The following CD101 variants were observed in gnomAD, a reference collection of about 807,000 sequenced individuals.
CD101 encodes the protein CD101 molecule.
CD101 carries 76 observed loss-of-function variants against 98.2 expected under a neutral mutation model. That is an observed-to-expected ratio of 0.77 (90% CI 0.64 to 0.94). The LOEUF (loss-of-function observed/expected upper bound fraction) is 0.94, where lower values mean the gene tolerates loss of function less well. Among genes scored for constraint, CD101 ranks in the 40% least tolerant of loss-of-function variants. The probability of loss-of-function intolerance (pLI) is 0.00; values close to 1 mark genes in which losing one functional copy is unlikely to be tolerated. For missense variants in CD101, 1,145 were observed against 1,218.8 expected (o/e 0.94, Z 0.90); for synonymous variants, 471 against 472.7 (o/e 1.00, Z 0.05).
rs1264225092 is a variant in CD101, at chr1:117,017,428, G to T, written c.1567G>T (p.Asp523Tyr). The T allele has an allele frequency of 2.5e-6, 4 of 1,614,040 alleles. No individual in the cohort carries two copies. The African/African-American group carries it at 5.3e-5, about 22-fold the overall frequency. Residue 523 changes from aspartate (D) to tyrosine (Y), a missense_variant, in exon 5 of 10, where the codon GAT (aspartate) becomes TAT (tyrosine). By Grantham distance (160) the Asp-to-Tyr change is radical (BLOSUM62 -3). Coordinates refer to ENST00000682167, the MANE Select transcript of CD101 (RefSeq NM_001256106.3). ...TGAGAAGTCTCGGAACCAGGCCAGA[G>T]ATCTGAGCTGGACTCAGAAGATTTC... ...VSEKSRNQAR[D>Y]LSWTQKISVT...
intron 2 of CD101, among the ~76,000 whole-genome samples, chr1:117,011,272 T>C (rs1399872451): frequency 6.6e-6 from 1 of 152,204 alleles, no homozygotes; most frequent in Non-Finnish European, 1.5e-5. Context: ...ACATGCTTTG[T>C]GTCTGAGTAG....
At position 117,008,722 on chromosome 1, in the gene CD101, C is replaced by CT. The variant is rs200062795; in HGVS notation, c.44-1119dup. 6.2e-4 allele frequency among the ~76,000 whole-genome samples: 94 copies of CT among 151,768 alleles called. 2 individuals carry two copies. In the East Asian group the frequency reaches 0.015, roughly 25 times the overall value. Reference sequence around the variant, plus strand: ...GTAATGTCCTTTTTCCTTTCCCTCACTTTTTTTTTCCACTCTGGTCTCCTT... The same window carrying CT: ...GTAATGTCCTTTTTCCTTTCCCTCACTTTTTTTTTTCCACTCTGGTCTCCTT... On this transcript the variant is annotated intron_variant, in intron 1 of 9. Coordinates refer to ENST00000682167, the MANE Select transcript of CD101 (RefSeq NM_001256106.3).
At chr1:117,017,494 T>C (rs1653310541) in intron 5 of CD101, 21 bp downstream of exon 5, 2 of 1,587,496 alleles carry the variant, frequency 1.3e-6, no homozygotes, top group Non-Finnish European at 1.7e-6. Context: ...AAGGAAGTCC[T>C]TTTCTGCACC....
At chr1:117,015,485 G>T (rs1179252909) in intron 4 of CD101, among the ~76,000 whole-genome samples, 1 of 151,914 alleles carries the variant, frequency 6.6e-6, no homozygotes, top group East Asian at 1.9e-4. Context: ...AAGCAGATTT[G>T]CTCTTTTTAA....
In CD101 at chr1:117,017,413, C is replaced by G; in HGVS notation, c.1552C>G (p.Arg518Gly). ...TYECRVSEKS[R>G]NQARDLSWTQ... is the part of the protein sequence containing the mutation. ...TGAGTGCAGAGTATCTGAGAAGTCTCGGAACCAGGCCAGAGATCTGAGCTG... is the reference window on the plus strand; with the variant it reads ...TGAGTGCAGAGTATCTGAGAAGTCTGGGAACCAGGCCAGAGATCTGAGCTG... Residue 518 changes from arginine to glycine, a missense_variant, in exon 5 of 10, where the codon CGG becomes GGG. By Grantham distance (125) the Arg-to-Gly change is moderately radical (BLOSUM62 -2). Coordinates refer to ENST00000682167, the MANE Select transcript of CD101 (RefSeq NM_001256106.3). 1.2e-6 allele frequency: 2 copies of G among 1,614,180 alleles called. No homozygotes were observed. The highest frequency in any genetic ancestry group is 1.1e-5 in the South Asian group (1 of 91,080).
rs149525967 is a variant in CD101 at position 117,014,488 on chromosome 1, T to A, written c.1228+696T>A. On this transcript the variant is annotated intron_variant, in intron 4 of 9. Transcript: ENST00000682167. ...GGTGAGACGCCGGTCCAAATGGTTC[T>A]GAATGTCTGCATGCACGGAACTGAG... 2.0e-5 allele frequency among the ~76,000 whole-genome samples: 3 copies of A among 152,288 alleles called. No homozygotes were observed. The East Asian group carries it at 5.8e-4, about 29-fold the overall frequency.
rs766488692 is a variant in CD101 at position 117,008,862 on chromosome 1, C to T, written c.44-988C>T. Reference sequence around the variant, plus strand: ...GCCAGCAATCTCTCCCTGTCTGGCCCTTCTGGTGTCTTCCAACCCTGTCTT... The same window carrying T: ...GCCAGCAATCTCTCCCTGTCTGGCCTTTCTGGTGTCTTCCAACCCTGTCTT... On this transcript the variant is annotated intron_variant, in intron 1 of 9. Transcript: ENST00000682167. Among the ~76,000 whole-genome samples, 18 of 152,286 alleles carry T rather than the reference C, an allele frequency of 1.2e-4. 1 individual carries two copies. In the South Asian group the frequency reaches 3.7e-3, roughly 32 times the overall value.
intron 8 of CD101, among the ~76,000 whole-genome samples, chr1:117,031,876 T>C (rs1654485722): frequency 1.3e-5 from 2 of 152,200 alleles, no homozygotes; most frequent in Admixed American, 1.3e-4. Context: ...CAGTAGGTGC[T>C]CATTCACTAC....
chr1:117,029,051 GAA>G (rs1654145697), intron 8 of CD101, among the ~76,000 whole-genome samples: 2 of 150,868 alleles, frequency 1.3e-5, no homozygotes, highest in Admixed American at 1.3e-4. Context: ...AGAAAAGAAA[GAA>G]AGAGAGAGAG....
At position 117,010,079 on chromosome 1, in the gene CD101, C is replaced by T. The variant is rs559703299; in HGVS notation, c.273C>T (p.Ser91=). The part of the protein sequence containing the change: ...SYAVYTQRVR[S]GDVYVERVQG... ...CAGTATATACGCAGCGGGTGCGAAG[C>T]GGAGACGTCTACGTGGAGAGGGTCC... is the stretch of plus-strand genomic sequence containing the variant. The change falls in exon 2 of 10, where the codon AGC becomes AGT. Residue 91 remains serine, a synonymous_variant. Transcript: ENST00000682167. The surrounding 1 kb of genome is among the most constrained non-coding windows in gnomAD (Gnocchi z 5.2). The T allele has an allele frequency of 3.7e-6, 6 of 1,614,200 alleles. No homozygotes were observed. The highest frequency in any genetic ancestry group is 2.2e-5 in the East Asian group (1 of 44,890).
intron 8 of CD101, among the ~76,000 whole-genome samples, chr1:117,029,237 GAAAGAAA>G (rs1654256119): frequency 7.6e-6 from 1 of 131,742 alleles, no homozygotes; most frequent in Non-Finnish European, 1.6e-5. Context: ...AAGAAAGAAA[GAAAGAAA>G]GAAAGAAAGA....
intron 8 of CD101, among the ~76,000 whole-genome samples, chr1:117,030,379 A>AAAACAAAC (rs3835638): frequency 0.12 from 17,396 of 150,262 alleles, 1,427 homozygotes; most frequent in East Asian, 0.47. Flanking sequence ...AGACACTGTC[A>AAAACAAAC]AAACAAACAA....
At chr1:117,025,383 A>C in intron 7 of CD101, 126 bp from the exon 8 acceptor site, 1 of 777,546 alleles carries the variant, frequency 1.3e-6, no homozygotes, top group Non-Finnish European at 1.9e-6. Flanking sequence ...AATAATAAAA[A>C]AAATAAAATG....
chr1:117,023,568 C>T lies in CD101; in HGVS notation c.2428+1585C>T, dbSNP rs1017373809. Among the ~76,000 whole-genome samples the T allele has an allele frequency of 4.6e-5, 7 of 151,978 alleles. No individual in the cohort carries two copies. The highest frequency in any genetic ancestry group is 1.5e-4 in the African/African-American group (6 of 41,372). ...AGTAGCTGGGACTACAGGTGTGTGC[C>T]ACCATGCCTGGCTAATTTTTGTAAT... On this transcript the variant is annotated intron_variant, in intron 7 of 9. Transcript: ENST00000682167. The surrounding 1 kb of genome is among the most constrained non-coding windows in gnomAD (Gnocchi z 4.4).
intron 8 of CD101, among the ~76,000 whole-genome samples, chr1:117,030,450 A>G (rs1000499616): frequency 6.6e-6 from 1 of 151,724 alleles, no homozygotes; most frequent in African/African-American, 2.4e-5. Context: ...AAAGAGAAAG[A>G]AAGAAAAGAA....
At chr1:117,015,322 G>A (rs1653135662) in intron 4 of CD101, among the ~76,000 whole-genome samples, 1 of 151,888 alleles carries the variant, frequency 6.6e-6, no homozygotes, top group South Asian at 2.1e-4. Flanking sequence ...CCAAAAGGCA[G>A]TAATGGCCAC....
rs780830976 is a variant in CD101, at chr1:117,033,932, TG to T, written c.2898del (p.Leu967SerfsTer35). 6.2e-7 allele frequency: 1 copy of T among 1,614,224 alleles called. No homozygotes were observed. The highest frequency in any genetic ancestry group is 8.5e-7 in the Non-Finnish European group (1 of 1,180,028). On this transcript the variant is annotated frameshift_variant, in exon 9 of 10. Transcript: ENST00000682167. LOFTEE classifies it high-confidence loss of function. This position sits in a 1 kb window ranked among gnomAD's most constrained non-coding sequence, Gnocchi z 4.8. ...TTCCTGTTCATCTGTCCCTTCGTCC[TG>T]CTCCTCCTTCTGCTCATCTCCCTCC... Reference protein sequence around the residue: ...LYFLFICPFVLLLLLLISLLC... With the variant: ...LYFLFICPFVXLLLLLISLLC...
intron 8 of CD101, among the ~76,000 whole-genome samples, chr1:117,029,204 A>AAGGAAGG (rs367830006): frequency 3.4e-5 from 2 of 58,874 alleles, no homozygotes; most frequent in South Asian, 1.2e-3. Context: ...AGAAAGAAAG[A>AAGGAAGG]AAAGAAAGAA....
chr1:117,009,475 T>C (rs1311118942), intron 1 of CD101, among the ~76,000 whole-genome samples: 1 of 152,252 alleles, frequency 6.6e-6, no homozygotes, highest in African/African-American at 2.4e-5. Flanking sequence ...ACCCTGGAAT[T>C]TGAGACTTGA....
Sources: allele counts gnomAD v4.1 joint callset (sites outside exome capture counted in the v4.1 genomes callset), GRCh38; gene constraint gnomAD v4.1.1; non-coding constraint Gnocchi (gnomAD v3.1); transcripts MANE v1.5; gene names NCBI Gene and HGNC (gene_info 2026-07-23, HGNC 2026-07-21).